SCFD2: variants seen among roughly 807,000 people sequenced by gnomAD.
SCFD2 encodes the protein sec1 family domain-containing protein 2.
In SCFD2, 54 loss-of-function variants were observed where a neutral mutation model predicts 58.9. The observed-to-expected ratio is 0.92, with a 90% CI of 0.74 to 1.15. The LOEUF (loss-of-function observed/expected upper bound fraction) is 1.15, where lower values mean the gene tolerates loss of function less well. Ranked by LOEUF, SCFD2 falls within the 50% of genes most tolerant of loss-of-function variation. SCFD2 has a pLI of 0.00. For synonymous variants in SCFD2, 321 were observed against 335.9 expected (o/e 0.96, Z 0.49); for missense variants, 805 against 836.6 (o/e 0.96, Z 0.47).
chr4:53,191,016 T>C (rs1234938834), intron 4 of SCFD2, among the ~76,000 whole-genome samples: 2 of 152,218 alleles, frequency 1.3e-5, no homozygotes, highest in African/African-American at 4.8e-5. Context: ...GTATAAGGGT[T>C]GCATTTACTT....
rs746790713 is a variant in SCFD2, at chr4:52,983,874, T to A, written c.1562-63004A>T. On this transcript the variant is annotated intron_variant, in intron 5 of 8. Transcript: ENST00000401642. Reference sequence around the variant, plus strand: ...ATTTGTTTTAGGAGTTAACCTAGTATCCTTGCCTACACCCTTCTTAAGATA... The same window carrying A: ...ATTTGTTTTAGGAGTTAACCTAGTAACCTTGCCTACACCCTTCTTAAGATA... Among the ~76,000 whole-genome samples, 251 of 152,322 alleles carry A rather than the reference T, an allele frequency of 1.6e-3. 2 individuals carry two copies. In the Middle Eastern group the frequency reaches 0.017, roughly 10 times the overall value.
At chr4:53,191,207 G>A (rs1727882109) in intron 4 of SCFD2, among the ~76,000 whole-genome samples, 1 of 151,922 alleles carries the variant, frequency 6.6e-6, no homozygotes, top group African/African-American at 2.4e-5. Context: ...AAAATTAGCT[G>A]GGCCTGGTGG....
At chr4:52,891,013 C>A (rs1024295936) in intron 7 of SCFD2, among the ~76,000 whole-genome samples, 2 of 152,060 alleles carry the variant, frequency 1.3e-5, no homozygotes, top group African/African-American at 4.8e-5. Flanking sequence ...CAGCTATGGG[C>A]AGGGCCTTGT....
chr4:52,873,812 G>T lies in SCFD2; in HGVS notation c.*157C>A. 1 of 436,192 alleles carries T rather than the reference G, an allele frequency of 2.3e-6. No homozygotes were observed. The highest frequency in any genetic ancestry group is 3.6e-5 in the East Asian group (1 of 27,718). 27.0% of individuals were successfully genotyped at this position (436,192 alleles called of 1,614,324 possible). A position where few individuals can be genotyped will look rare whatever the true frequency, so the allele number is the denominator to read the frequency against. On this transcript the variant is annotated 3_prime_UTR_variant, in exon 9 of 9. Coordinates refer to ENST00000401642, the MANE Select transcript of SCFD2 (RefSeq NM_152540.4). ...TAAGAATCACAGCAATCCAAGCAAA[G>T]TACCTCACTGAGTAGGTATCAAGAC... is the stretch of plus-strand genomic sequence containing the variant.
At chr4:53,047,485 A>G (rs1723071613) in intron 5 of SCFD2, among the ~76,000 whole-genome samples, 1 of 152,092 alleles carries the variant, frequency 6.6e-6, no homozygotes, top group African/African-American at 2.4e-5. Context: ...CCCCACAATT[A>G]TCTTCCAAGT....
intron 4 of SCFD2, among the ~76,000 whole-genome samples, chr4:53,148,380 A>C (rs1201325805): frequency 6.6e-6 from 1 of 152,138 alleles, no homozygotes; most frequent in African/African-American, 2.4e-5. Flanking sequence ...TTACATTCTA[A>C]ATCTGTTTAA....
chr4:53,334,466 T>G (rs1250693538), intron 2 of SCFD2, among the ~76,000 whole-genome samples: 3 of 151,036 alleles, frequency 2.0e-5, no homozygotes, highest in African/African-American at 7.3e-5. Flanking sequence ...ATGGATGAAA[T>G]TGGAAATCAT....
At chr4:53,186,507 A>C (rs1284435294) in intron 4 of SCFD2, among the ~76,000 whole-genome samples, 1 of 152,066 alleles carries the variant, frequency 6.6e-6, no homozygotes, top group Non-Finnish European at 1.5e-5. Context: ...TATGGGAAAA[A>C]AGGAAGAAAG....
intron 5 of SCFD2, among the ~76,000 whole-genome samples, chr4:52,972,285 A>G (rs2109553624): frequency 6.6e-6 from 1 of 152,314 alleles, no homozygotes; most frequent in Non-Finnish European, 1.5e-5. Context: ...TCATGTGCAG[A>G]GACACACATA....
chr4:53,204,429 AACAC>A (rs1728344975), intron 4 of SCFD2, among the ~76,000 whole-genome samples: 1 of 151,890 alleles, frequency 6.6e-6, no homozygotes, highest in Non-Finnish European at 1.5e-5. Context: ...TACACATATA[AACAC>A]ACAAAGATTG....
At chr4:53,216,493 T>A (rs1728840338) in intron 4 of SCFD2, among the ~76,000 whole-genome samples, 1 of 152,206 alleles carries the variant, frequency 6.6e-6, no homozygotes, top group Non-Finnish European at 1.5e-5. Context: ...GGTGGTGATA[T>A]CCCCTTTATC....
At chr4:53,156,699 A>G (rs1726699994) in intron 4 of SCFD2, among the ~76,000 whole-genome samples, 1 of 152,238 alleles carries the variant, frequency 6.6e-6, no homozygotes, top group Non-Finnish European at 1.5e-5. Flanking sequence ...CTCCGTCTCA[A>G]AACAAACAAA....
At chr4:52,945,129 G>T (rs901216341) in intron 5 of SCFD2, among the ~76,000 whole-genome samples, 2 of 152,052 alleles carry the variant, frequency 1.3e-5, no homozygotes, top group African/African-American at 2.4e-5. Context: ...AGATAAATTT[G>T]TATGTGAATA....
At chr4:53,019,171 A>G (rs1296346605) in intron 5 of SCFD2, among the ~76,000 whole-genome samples, 9 of 152,222 alleles carry the variant, frequency 5.9e-5, no homozygotes, top group African/African-American at 2.4e-5. Context: ...ATAAGGACAA[A>G]GATTTATGCA....
In SCFD2 at chr4:52,906,572, T is replaced by A. The variant is rs567955585; in HGVS notation, c.1842+885A>T. 1.2e-4 allele frequency among the ~76,000 whole-genome samples: 18 copies of A among 152,268 alleles called. No homozygotes were observed. In the East Asian group the frequency reaches 1.9e-3, roughly 16 times the overall value. On this transcript the variant is annotated intron_variant, in intron 7 of 8. Coordinates refer to ENST00000401642, the MANE Select transcript of SCFD2 (RefSeq NM_152540.4). Reference sequence around the variant, plus strand: ...CACTGCAACAGAAGTTGCTGAAAATTGGGAACAGCAGGAAGGAGACCTGCA... The same window carrying A: ...CACTGCAACAGAAGTTGCTGAAAATAGGGAACAGCAGGAAGGAGACCTGCA...
At chr4:52,956,069 C>T (rs1331858581) in intron 5 of SCFD2, 1 of 456,536 alleles carries the variant, frequency 2.2e-6, no homozygotes, top group Non-Finnish European at 4.4e-6. Flanking sequence ...TCCCACTCTC[C>T]CTCCCAGCTT....
At chr4:53,037,848 C>T (rs758753189) in intron 5 of SCFD2, among the ~76,000 whole-genome samples, 17 of 152,114 alleles carry the variant, frequency 1.1e-4, no homozygotes, top group Non-Finnish European at 1.9e-4. Context: ...GAGAACTCAT[C>T]CTGGCAAAGC....
At chr4:53,314,911 A>G (rs916184941) in intron 2 of SCFD2, among the ~76,000 whole-genome samples, 5 of 152,230 alleles carry the variant, frequency 3.3e-5, no homozygotes, top group African/African-American at 1.2e-4. Flanking sequence ...TGTCATCATT[A>G]TAACTCTGCA....
intron 4 of SCFD2, among the ~76,000 whole-genome samples, chr4:53,166,918 G>C (rs1015145479): frequency 6.6e-6 from 1 of 152,014 alleles, no homozygotes; most frequent in African/African-American, 2.4e-5. Flanking sequence ...TAGCATTTGG[G>C]AATAAGAGGA....
Sources: allele counts gnomAD v4.1 joint callset (sites outside exome capture counted in the v4.1 genomes callset), GRCh38; gene constraint gnomAD v4.1.1; transcripts MANE v1.5; gene names NCBI Gene and HGNC (gene_info 2026-07-23, HGNC 2026-07-21).